Variants in SYNJ2 observed in about 807,000 individuals in gnomAD.
SYNJ2 encodes polyphosphatidylinositol phosphatase SYNJ2.
SYNJ2 carries 116 observed loss-of-function variants against 141.3 expected under a neutral mutation model. The ratio of observed to expected loss-of-function variants is 0.82; its 90% CI spans 0.71 to 0.96. The LOEUF is 0.96. Ranked by LOEUF, SYNJ2 falls within the 40% of genes least tolerant of loss-of-function variation. The pLI is 0.00. For missense variants in SYNJ2, 1,873 were observed against 1,934.8 expected (o/e 0.97, Z 0.60); for synonymous variants, 745 against 777.7 (o/e 0.96, Z 0.70).
chr6:158,052,643 T>C (rs1780633876), intron 5 of SYNJ2, among the ~76,000 whole-genome samples: 1 of 152,160 alleles, frequency 6.6e-6, no homozygotes, highest in Admixed American at 6.5e-5. Context: ...CAAGAACTCA[T>C]TCATTACCAT....
At chr6:158,035,535 G>C (rs993326559) in intron 4 of SYNJ2, among the ~76,000 whole-genome samples, 12 of 152,132 alleles carry the variant, frequency 7.9e-5, no homozygotes, top group Non-Finnish European at 1.6e-4. Context: ...CTGTTTATCA[G>C]GTTAAGGAGA....
rs888023633 is a variant in SYNJ2 at position 158,083,287 on chromosome 6, G to T, written c.2866-142G>T. On this transcript the variant is annotated intron_variant, in intron 20 of 26. Transcript: ENST00000355585. ...TGAGAGCTATGCTGAGCCTGCGTGAGGTCTGGACCCTTGGTTTTTCAGGGC... is the reference window on the plus strand; with the variant it reads ...TGAGAGCTATGCTGAGCCTGCGTGATGTCTGGACCCTTGGTTTTTCAGGGC... The T allele has an allele frequency of 4.1e-6, 4 of 969,292 alleles. No homozygotes were observed. The South Asian group carries it at 6.7e-5, about 16-fold the overall frequency. 60.0% of individuals were successfully genotyped at this position (969,292 alleles called of 1,614,324 possible). A position where few individuals can be genotyped will look rare whatever the true frequency, so the allele number is the denominator to read the frequency against.
At chr6:157,993,280 C>A (rs1294458364) in intron 1 of SYNJ2, among the ~76,000 whole-genome samples, 1 of 152,138 alleles carries the variant, frequency 6.6e-6, no homozygotes, top group Non-Finnish European at 1.5e-5. Flanking sequence ...TTCTGACGAT[C>A]AGTGATGTTG....
At chr6:158,022,153 C>T (rs139389509) in intron 2 of SYNJ2, among the ~76,000 whole-genome samples, 1 of 152,186 alleles carries the variant, frequency 6.6e-6, no homozygotes, top group African/African-American at 2.4e-5. Flanking sequence ...GCCGAAGCTT[C>T]CCCCTTCACA....
At chr6:157,999,017 A>G (rs1442070071) in intron 1 of SYNJ2, among the ~76,000 whole-genome samples, 1 of 152,248 alleles carries the variant, frequency 6.6e-6, no homozygotes, top group East Asian at 1.9e-4. Context: ...CCAGAAGGAA[A>G]GTTTGTGCAG....
chr6:158,059,110 C>T lies in SYNJ2; in HGVS notation c.858-147C>T, dbSNP rs188801038. 9.3e-4 allele frequency: 740 copies of T among 796,328 alleles called. 2 individuals carry two copies. In the African/African-American group the frequency reaches 9.7e-3, roughly 10 times the overall value. 49.3% of individuals were successfully genotyped at this position (796,328 alleles called of 1,614,324 possible). ...TCTCTCCACCCAGGCTCATTTTCCA[C>T]GATTTGGGTCATGGGGGACAGCTGG... On this transcript the variant is annotated intron_variant, in intron 6 of 26. Coordinates refer to ENST00000355585, the MANE Select transcript of SYNJ2 (RefSeq NM_003898.4).
chr6:158,089,464 A>G (rs1483710120), intron 24 of SYNJ2, among the ~76,000 whole-genome samples: 1 of 152,184 alleles, frequency 6.6e-6, no homozygotes, highest in Admixed American at 6.6e-5. Flanking sequence ...CACATGCTGG[A>G]TGAAGAAGTA....
At chr6:158,033,113 A>G (rs989903461) in intron 3 of SYNJ2, among the ~76,000 whole-genome samples, 1 of 152,232 alleles carries the variant, frequency 6.6e-6, no homozygotes, top group Non-Finnish European at 1.5e-5. Context: ...AGGGCTAACC[A>G]GAGGCCCCTT....
At chr6:158,091,827 TGAAA>T (rs1283683942) in intron 25 of SYNJ2, among the ~76,000 whole-genome samples, 1 of 151,250 alleles carries the variant, frequency 6.6e-6, no homozygotes, top group East Asian at 1.9e-4. Flanking sequence ...TTATACTATG[TGAAA>T]GAAAGAAAAA....
intron 1 of SYNJ2, among the ~76,000 whole-genome samples, chr6:158,009,939 G>T (rs1057021990): frequency 8.5e-5 from 13 of 152,166 alleles, no homozygotes; most frequent in South Asian, 4.1e-4. Context: ...GCTTCATTTT[G>T]TTGTTGTTGT....
At chr6:158,086,810 C>G (rs530846845) in intron 22 of SYNJ2, 45 bp from the exon 23 acceptor site, 1 of 1,602,846 alleles carries the variant, frequency 6.2e-7, no homozygotes. Flanking sequence ...GACACGCTCA[C>G]GTGTGGAACA....
chr6:158,082,985 T>A (rs532458152), intron 20 of SYNJ2, among the ~76,000 whole-genome samples: 68 of 151,952 alleles, frequency 4.5e-4, no homozygotes, highest in African/African-American at 1.5e-3. Flanking sequence ...CAGGCTAGAG[T>A]GCAGTGGTGC....
chr6:158,016,202 C>G (rs771676781), intron 1 of SYNJ2, among the ~76,000 whole-genome samples: 7 of 152,186 alleles, frequency 4.6e-5, no homozygotes, highest in Non-Finnish European at 1.0e-4. Context: ...CAACCTCCAC[C>G]TCCTGGGTTC....
intron 4 of SYNJ2, among the ~76,000 whole-genome samples, chr6:158,042,730 G>A (rs574364382): frequency 6.6e-6 from 1 of 152,344 alleles, no homozygotes; most frequent in East Asian, 1.9e-4. Flanking sequence ...TGTGGAAACC[G>A]TGTTGTGTGT....
intron 1 of SYNJ2, among the ~76,000 whole-genome samples, chr6:157,989,693 A>C (rs890337097): frequency 6.6e-6 from 1 of 152,080 alleles, no homozygotes; most frequent in African/African-American, 2.4e-5. Context: ...CACTGGGAGC[A>C]GAGGCTGATG....
chr6:157,989,427 A>AATATATATATAT (rs34948131), intron 1 of SYNJ2, among the ~76,000 whole-genome samples: 112 of 96,276 alleles, frequency 1.2e-3, no homozygotes, highest in South Asian at 2.2e-3. Flanking sequence ...TAAAAAAATG[A>AATATATATATAT]ATATATATAT....
At chr6:158,093,304 C>T (rs557991137) in intron 26 of SYNJ2, among the ~76,000 whole-genome samples, 200 bp downstream of exon 26, 86 of 151,862 alleles carry the variant, frequency 5.7e-4, no homozygotes, top group African/African-American at 1.9e-3. Context: ...GGCGTGGTGG[C>T]GCACGCCTGT....
chr6:158,010,128 C>G (rs1450833576), intron 1 of SYNJ2, among the ~76,000 whole-genome samples: 1 of 152,100 alleles, frequency 6.6e-6, no homozygotes, highest in African/African-American at 2.4e-5. Flanking sequence ...CTGTGTTGCC[C>G]AGGCTGGTCT....
At chr6:158,088,480 T>A (rs944134579) in intron 23 of SYNJ2, among the ~76,000 whole-genome samples, 180 bp from the exon 24 acceptor site, 2 of 152,066 alleles carry the variant, frequency 1.3e-5, no homozygotes, top group Admixed American at 1.3e-4. Context: ...AGTGAGAAAC[T>A]CCATAGAGAG....
Sources: gnomAD v4.1 joint callset for allele counts (sites outside exome capture counted in the v4.1 genomes callset) on GRCh38, gnomAD v4.1.1 for gene constraint, MANE v1.5 for transcripts, NCBI Gene and HGNC (gene_info 2026-07-23, HGNC 2026-07-21) for gene names.